The following IQSEC1 variants were observed in gnomAD, a reference collection of about 807,000 sequenced individuals.
IQSEC1 encodes the protein IQ motif and Sec7 domain ArfGEF 1, also known as IQ motif and SEC7 domain-containing protein 1.
IQSEC1 carries 31 observed loss-of-function variants against 91.0 expected under a neutral mutation model. The observed-to-expected ratio is 0.34, with a 90% CI of 0.26 to 0.46. The LOEUF is 0.46. Ranked by LOEUF, IQSEC1 falls within the 20% of genes least tolerant of loss-of-function variation. The pLI is 1.00. For missense variants in IQSEC1, 1,388 were observed against 1,575.6 expected, an observed-to-expected ratio of 0.88 and a Z score of 2.02; for synonymous variants, 699 against 662.6, an observed-to-expected ratio of 1.05 and a Z score of -0.84.
rs1694362493 is a variant in IQSEC1 at position 13,207,346 on chromosome 3, C to G, written c.273-43213G>C. ...TTCCGCTCCAACACCCATCGCCAAT[C>G]TGCCTACTTCTCCCCCTCCACGGCC... On this transcript the variant is annotated intron_variant, in intron 1 of 15. Transcript: ENST00000648114. The surrounding 1 kb of genome is among the most constrained non-coding windows in gnomAD (Gnocchi z 4.8). Among the ~76,000 whole-genome samples the G allele has an allele frequency of 6.6e-6, 1 of 152,130 alleles. No homozygotes were observed. Among genetic ancestry groups the G allele is most frequent in the Non-Finnish European group, 1.5e-5 (1 of 68,020 alleles).
chr3:12,906,213 T>A (rs1433744661), intron 12 of IQSEC1, among the ~76,000 whole-genome samples: 1 of 152,146 alleles, frequency 6.6e-6, no homozygotes, highest in South Asian at 2.1e-4. Context: ...CAGTGACGTG[T>A]CAAACATGGA....
At chr3:13,034,771 G>T (rs905723769) in intron 1 of IQSEC1, among the ~76,000 whole-genome samples, 3 of 152,216 alleles carry the variant, frequency 2.0e-5, no homozygotes, top group Non-Finnish European at 4.4e-5. Flanking sequence ...CTGACCCTCT[G>T]GGGTATTTCT....
rs556227802 is a variant in IQSEC1, at chr3:13,239,393, G to A, written c.272+43318C>T. 2.3e-4 allele frequency among the ~76,000 whole-genome samples: 35 copies of A among 152,364 alleles called. No individual in the cohort carries two copies. In the East Asian group the frequency reaches 6.2e-3, roughly 27 times the overall value. On this transcript the variant is annotated intron_variant, in intron 1 of 15. Transcript: ENST00000648114. ...CAGGAACCCATGGATTTGGCACACC[G>A]CCGGGCGTGGTCCTCACCATCTCGG...
Position 12,935,366 on chromosome 3 carries a change from T to C in IQSEC1, c.1568+82A>G. 3 of 1,396,000 alleles carry C rather than the reference T, an allele frequency of 2.1e-6. No homozygotes were observed. Among genetic ancestry groups the C allele is most frequent in the Non-Finnish European group, 3.0e-6 (3 of 1,013,042 alleles). The allele number at this position is 1,396,000 out of a possible 1,614,324, so 86.5% of individuals were successfully genotyped here. A position where few individuals can be genotyped will look rare whatever the true frequency, so the allele number is the denominator to read the frequency against. ...CCACGGTGGACCTCAAGCTCCGTGC[T>C]TGGAAGGATGCAGCCACGCCCACCC... On this transcript the variant is annotated intron_variant, in intron 3 of 13. Coordinates refer to ENST00000613206, the MANE Select transcript of IQSEC1 (RefSeq NM_001134382.3). The surrounding 1 kb of genome is among the most constrained non-coding windows in gnomAD (Gnocchi z 8.0).
chr3:13,192,337 C>CAAAA (rs540610255), intron 1 of IQSEC1, among the ~76,000 whole-genome samples: 1 of 94,982 alleles, frequency 1.1e-5, no homozygotes, highest in Non-Finnish European at 2.4e-5. Flanking sequence ...GACTCTGTCT[C>CAAAA]AAAAAAAAAA....
At chr3:12,912,952 CA>C (rs1695712209) in intron 9 of IQSEC1, among the ~76,000 whole-genome samples, 1 of 152,228 alleles carries the variant, frequency 6.6e-6, no homozygotes, top group Admixed American at 6.5e-5. Flanking sequence ...CCTAGCCAAT[CA>C]GAAAGCACTG....
chr3:12,992,857 C>T lies in IQSEC1; in HGVS notation c.24-50992G>A, dbSNP rs1355856784. Among the ~76,000 whole-genome samples the T allele has an allele frequency of 6.6e-6, 1 of 152,200 alleles. No individual in the cohort carries two copies. Among genetic ancestry groups the T allele is most frequent in the Non-Finnish European group, 1.5e-5 (1 of 68,024 alleles). ...CTTGGCAATTTAAAGTGACAACTGC[C>T]TGGCAGAAACATGGGAGGGGAAGTT... On this transcript the variant is annotated intron_variant, in intron 1 of 13. Transcript: ENST00000613206. This position sits in a 1 kb window ranked among gnomAD's most constrained non-coding sequence, Gnocchi z 4.1.
chr3:13,190,264 C>T (rs1016816479), intron 1 of IQSEC1, among the ~76,000 whole-genome samples: 9 of 152,298 alleles, frequency 5.9e-5, no homozygotes, highest in Admixed American at 2.0e-4. Context: ...CCCTCTTAGG[C>T]GGCGGATGCT....
At chr3:13,117,897 A>G (rs538537097) in intron 2 of IQSEC1, among the ~76,000 whole-genome samples, 1 of 152,194 alleles carries the variant, frequency 6.6e-6, no homozygotes, top group South Asian at 2.1e-4. Context: ...AAACTAACAA[A>G]CAACACATAA....
chr3:13,032,085 G>A lies in IQSEC1; in HGVS notation c.23+40907C>T, dbSNP rs370563662. ...CTTCCTCATATTCTCCTTTCTCTAC[G>A]CACACACACCTGTGCTCGCATACAC... On this transcript the variant is annotated intron_variant, in intron 1 of 13. Coordinates refer to ENST00000613206, the MANE Select transcript of IQSEC1 (RefSeq NM_001134382.3). Among the ~76,000 whole-genome samples, 42 of 152,076 alleles carry A rather than the reference G, an allele frequency of 2.8e-4. No individual in the cohort carries two copies. The South Asian group carries it at 7.5e-3, about 27-fold the overall frequency.
At chr3:13,187,422 G>C (rs1215630031) in intron 1 of IQSEC1, among the ~76,000 whole-genome samples, 1 of 152,208 alleles carries the variant, frequency 6.6e-6, no homozygotes, top group African/African-American at 2.4e-5. Flanking sequence ...AACTTGTTTT[G>C]AATGTGTTTT....
chr3:13,197,337 G>T (rs1464793690), intron 1 of IQSEC1, among the ~76,000 whole-genome samples: 1 of 152,190 alleles, frequency 6.6e-6, no homozygotes, highest in Non-Finnish European at 1.5e-5. Flanking sequence ...GCATGGCCAG[G>T]GGCGCTGGAG....
intron 2 of IQSEC1, among the ~76,000 whole-genome samples, chr3:13,142,525 C>T (rs778479476): frequency 2.6e-5 from 4 of 152,226 alleles, no homozygotes; most frequent in Non-Finnish European, 5.9e-5. Context: ...CTGCCTTCCT[C>T]CCTGCTGCCC....
chr3:13,065,154 C>T (rs1001687584), intron 1 of IQSEC1, among the ~76,000 whole-genome samples: 39 of 152,342 alleles, frequency 2.6e-4, no homozygotes, highest in Admixed American at 2.3e-3. Flanking sequence ...CTGCAGGGGC[C>T]GGCTGGTCAC....
chr3:13,257,566 T>C (rs1695313222), intron 1 of IQSEC1, among the ~76,000 whole-genome samples: 1 of 151,916 alleles, frequency 6.6e-6, no homozygotes, highest in East Asian at 1.9e-4. Flanking sequence ...TCAGGGAGAC[T>C]CGGGACATCT....
intron 1 of IQSEC1, among the ~76,000 whole-genome samples, chr3:13,264,662 C>T (rs575224250): frequency 1.3e-5 from 2 of 152,094 alleles, no homozygotes; most frequent in South Asian, 2.1e-4. Flanking sequence ...GGCAGGCTCG[C>T]GAAGCAAGTG....
At chr3:13,192,085 C>A (rs1448732093) in intron 1 of IQSEC1, among the ~76,000 whole-genome samples, 4 of 152,258 alleles carry the variant, frequency 2.6e-5, no homozygotes, top group African/African-American at 9.6e-5. Context: ...CCTGTAATCC[C>A]AGCACTTTGG....
chr3:12,918,251 C>A (rs1474962935), intron 6 of IQSEC1, among the ~76,000 whole-genome samples: 1 of 152,228 alleles, frequency 6.6e-6, no homozygotes. Flanking sequence ...ACAGAACCTG[C>A]AGCTCCCTTC....
rs1316621592 is a variant in IQSEC1 at position 12,992,954 on chromosome 3, AGGGCAGGTGGTTTTGTAGC to A, written c.24-51108_24-51090del. On this transcript the variant is annotated intron_variant, in intron 1 of 13. Transcript: ENST00000613206. The surrounding 1 kb of genome is among the most constrained non-coding windows in gnomAD (Gnocchi z 4.1). ...ACCCACCCTGCCTGCTTAGAGCCCA[AGGGCAGGTGGTTTTGTAGC>A]GGGAGGTTGCGGTGGGGGCGGGGGT... is the stretch of plus-strand genomic sequence containing the variant. Among the ~76,000 whole-genome samples, 1 of 152,090 alleles carries A rather than the reference AGGGCAGGTGGTTTTGTAGC, an allele frequency of 6.6e-6. No individual in the cohort carries two copies. The highest frequency in any genetic ancestry group is 2.4e-5 in the African/African-American group (1 of 41,416).
Sources: allele counts gnomAD v4.1 joint callset (sites outside exome capture counted in the v4.1 genomes callset), GRCh38; gene constraint gnomAD v4.1.1; non-coding constraint Gnocchi (gnomAD v3.1); transcripts MANE v1.5; gene names NCBI Gene and HGNC (gene_info 2026-07-23, HGNC 2026-07-21).